The following MAGI2 variants were observed in gnomAD, a reference collection of about 807,000 sequenced individuals.
The protein encoded by MAGI2 is membrane-associated guanylate kinase, WW and PDZ domain-containing protein 2.
Under a neutral mutation model 133.3 loss-of-function variants are expected in MAGI2, and 35 were observed. The ratio of observed to expected loss-of-function variants is 0.26; its 90% CI spans 0.20 to 0.35. The LOEUF (loss-of-function observed/expected upper bound fraction) is 0.35, where lower values mean the gene tolerates loss of function less well. MAGI2 is among the 10% of genes least tolerant of loss of function. MAGI2 has a pLI of 1.00. For synonymous variants in MAGI2, 729 were observed against 710.6 expected, an observed-to-expected ratio of 1.03 and a Z score of -0.41; for missense variants, 1,636 against 1,863.4, an observed-to-expected ratio of 0.88 and a Z score of 2.25.
At chr7:78,090,095 A>G (rs772438130) in intron 20 of MAGI2, among the ~76,000 whole-genome samples, 1 of 151,924 alleles carries the variant, frequency 6.6e-6, no homozygotes, top group East Asian at 1.9e-4. Context: ...GGATCCTTCA[A>G]TCCCATCTCC....
intron 10 of MAGI2, among the ~76,000 whole-genome samples, chr7:78,223,850 CTATTA>C (rs1224874265): frequency 6.6e-6 from 1 of 151,932 alleles, no homozygotes; most frequent in Non-Finnish European, 1.5e-5. Context: ...TAAAATATCA[CTATTA>C]TATTCATCAT....
At chr7:79,050,047 C>G (rs1305287650) in intron 1 of MAGI2, among the ~76,000 whole-genome samples, 5 of 152,134 alleles carry the variant, frequency 3.3e-5, no homozygotes, top group Non-Finnish European at 5.9e-5. Flanking sequence ...GACCATGAAG[C>G]TTTGGTTGAA....
intron 6 of MAGI2, among the ~76,000 whole-genome samples, chr7:78,452,792 G>A (rs1245201177): frequency 6.6e-6 from 1 of 151,544 alleles, no homozygotes; most frequent in African/African-American, 2.4e-5. Flanking sequence ...AAGTACTAAA[G>A]TTACTGAAGA....
intron 16 of MAGI2, among the ~76,000 whole-genome samples, chr7:78,152,017 C>T (rs1379255586): frequency 6.6e-6 from 1 of 151,958 alleles, no homozygotes; most frequent in Non-Finnish European, 1.5e-5. Flanking sequence ...TGCCCTTAAG[C>T]AACTCACAAC....
At chr7:78,955,050 T>A (rs551259272) in intron 2 of MAGI2, among the ~76,000 whole-genome samples, 1 of 152,180 alleles carries the variant, frequency 6.6e-6, no homozygotes, top group South Asian at 2.1e-4. Flanking sequence ...TTGGCACAAA[T>A]GTACAATAGC....
At chr7:78,678,626 C>G (rs1035134952) in intron 2 of MAGI2, among the ~76,000 whole-genome samples, 2 of 152,004 alleles carry the variant, frequency 1.3e-5, no homozygotes, top group African/African-American at 4.8e-5. Flanking sequence ...CACATTAGAC[C>G]ATAGCTGCAT....
intron 1 of MAGI2, among the ~76,000 whole-genome samples, chr7:79,249,641 T>C (rs1833086329): frequency 6.6e-6 from 1 of 152,070 alleles, no homozygotes; most frequent in Non-Finnish European, 1.5e-5. Context: ...AGTAACAAGA[T>C]TGAAGCTGTA....
Position 78,445,525 on chromosome 7 carries a change from A to G in MAGI2, c.1045+44236T>C, listed in dbSNP as rs188426234. ...GCAAAATAATTTGGATGAATACAAA[A>G]TACTTGGGTCAAATTTACTTTACCT... On this transcript the variant is annotated intron_variant, in intron 6 of 21. Transcript: ENST00000354212. Among the ~76,000 whole-genome samples the G allele has an allele frequency of 2.7e-4, 41 of 152,240 alleles. 1 individual carries two copies. The highest frequency in any genetic ancestry group is 2.3e-3 in the Admixed American group (35 of 15,264).
At chr7:78,506,698 C>T (rs1371942414) in intron 4 of MAGI2, among the ~76,000 whole-genome samples, 7 of 152,322 alleles carry the variant, frequency 4.6e-5, no homozygotes, top group South Asian at 2.1e-4. Flanking sequence ...ATCTGTAGAA[C>T]CGAATGATGT....
intron 10 of MAGI2, among the ~76,000 whole-genome samples, chr7:78,234,830 T>C (rs1434026750): frequency 6.6e-6 from 1 of 152,140 alleles, no homozygotes; most frequent in Non-Finnish European, 1.5e-5. Context: ...ATAACTTTAA[T>C]TGCACCCAGT....
chr7:78,891,954 T>C (rs189917355), intron 2 of MAGI2, among the ~76,000 whole-genome samples: 20 of 152,312 alleles, frequency 1.3e-4, no homozygotes, highest in Admixed American at 9.2e-4. Context: ...TGTTTGCAGA[T>C]GACATGATTG....
At chr7:79,357,120 A>C (rs1380241580) in intron 1 of MAGI2, among the ~76,000 whole-genome samples, 1 of 152,202 alleles carries the variant, frequency 6.6e-6, no homozygotes, top group Non-Finnish European at 1.5e-5. Flanking sequence ...AGGCTTGTTT[A>C]ACTGTTCAAA....
chr7:78,275,682 G>A (rs533064849), intron 9 of MAGI2, among the ~76,000 whole-genome samples: 29 of 152,268 alleles, frequency 1.9e-4, no homozygotes, highest in African/African-American at 6.7e-4. Context: ...GGTATTTTAC[G>A]AAATGCTGAA....
intron 3 of MAGI2, among the ~76,000 whole-genome samples, chr7:78,559,274 G>C (rs1406664366): frequency 6.7e-6 from 1 of 148,914 alleles, no homozygotes; most frequent in Non-Finnish European, 1.5e-5. Context: ...AGATTTATAG[G>C]TGTATTTTGG....
intron 1 of MAGI2, among the ~76,000 whole-genome samples, chr7:79,368,353 C>T (rs548336679): frequency 6.6e-6 from 1 of 151,998 alleles, no homozygotes; most frequent in South Asian, 2.1e-4. Flanking sequence ...CAGAAAAACC[C>T]CACCCAGGAA....
intron 21 of MAGI2, among the ~76,000 whole-genome samples, chr7:78,061,141 G>C (rs566235127): frequency 6.8e-6 from 1 of 148,032 alleles, no homozygotes; most frequent in Non-Finnish European, 1.5e-5. Flanking sequence ...TCCAGCCTGG[G>C]TGAAAGAGCA....
At position 79,376,184 on chromosome 7, in the gene MAGI2, A is replaced by G. The variant is rs575643760; in HGVS notation, c.301+76836T>C. ...TTCAAAGCTCCCCAGTGACCACCTG[A>G]AGCAGAATCCTATATATACCATGTT... is the stretch of plus-strand genomic sequence containing the variant. On this transcript the variant is annotated intron_variant, in intron 1 of 21. Coordinates refer to ENST00000354212, the MANE Select transcript of MAGI2 (RefSeq NM_012301.4). Among the ~76,000 whole-genome samples, 106 of 152,008 alleles carry G rather than the reference A, an allele frequency of 7.0e-4. 1 individual carries two copies. The Middle Eastern group carries it at 0.014, about 20-fold the overall frequency.
In MAGI2 at chr7:78,392,138, G is replaced by A. The variant is rs548775853; in HGVS notation, c.1046-22925C>T. Among the ~76,000 whole-genome samples, 398 of 152,296 alleles carry A rather than the reference G, an allele frequency of 2.6e-3. 3 individuals are homozygous for A. Among genetic ancestry groups the A allele is most frequent in the Non-Finnish European group, 4.8e-3 (326 of 68,028 alleles). On this transcript the variant is annotated intron_variant, in intron 6 of 21. Transcript: ENST00000354212. ...AACACTTTACCATCTACTTGGAGAC[G>A]TAAAAGTATCCACGGGTAAAAGTAG... is the stretch of plus-strand genomic sequence containing the variant.
intron 21 of MAGI2, among the ~76,000 whole-genome samples, chr7:78,041,040 G>A (rs576902741): frequency 1.3e-5 from 2 of 152,232 alleles, no homozygotes; most frequent in African/African-American, 4.8e-5. Context: ...AACTAACTCA[G>A]GCTCCTTTAG....
Sources: allele counts gnomAD v4.1 joint callset (sites outside exome capture counted in the v4.1 genomes callset), GRCh38; gene constraint gnomAD v4.1.1; transcripts MANE v1.5; gene names NCBI Gene and HGNC (gene_info 2026-07-23, HGNC 2026-07-21).